The following ZNF226 variants were observed in gnomAD, a reference collection of about 807,000 sequenced individuals.
The protein encoded by ZNF226 is Kruppel-associated box protein.
Under a neutral mutation model 11.4 loss-of-function variants are expected in ZNF226, and 6 were observed. The ratio of observed to expected loss-of-function variants is 0.53; its 90% CI spans 0.29 to 1.04. The LOEUF is 1.04. ZNF226 is among the 50% of genes least tolerant of loss of function. The probability of loss-of-function intolerance (pLI) is 0.08; values close to 1 mark genes in which losing one functional copy is unlikely to be tolerated. For synonymous variants in ZNF226, 350 were observed against 322.8 expected (o/e 1.08, Z -0.90); for missense variants, 1,058 against 956.5 (o/e 1.11, Z -1.40).
Position 44,177,156 on chromosome 19 carries a change from G to A in ZNF226, c.1894G>A (p.Ala632Thr). ...CTTCAGGCAGGCCTCAAATCTTTTG[G>A]CCCATCAGAGAGTCCACAGTGGAGA... ...KVFRQASNLLAHQRVHSGEKP... is the reference protein window; with the variant it reads ...KVFRQASNLLTHQRVHSGEKP... The change falls in exon 6 of 6, where the codon GCC (alanine) becomes ACC (threonine). Residue 632 changes from alanine (A) to threonine (T), a missense_variant. Physicochemically the swap from Ala to Thr is moderately conservative, Grantham distance 58. Transcript: ENST00000337433. 6.2e-7 allele frequency: 1 copy of A among 1,611,244 alleles called. No homozygotes were observed. The highest frequency in any genetic ancestry group is 1.4e-5 in the African/African-American group (1 of 74,068).
At chr19:44,182,258 G>A (rs947380519), downstream of ZNF226, among the ~76,000 whole-genome samples, 7 of 152,202 alleles carry the variant, frequency 4.6e-5, no homozygotes, top group African/African-American at 1.7e-4. Context: ...GGATAGCTCT[G>A]TTAGGGGATG....
intron 4 of ZNF226, chr19:44,172,636 A>G (rs563983983): frequency 2.1e-5 from 11 of 529,286 alleles, no homozygotes; most frequent in Middle Eastern, 4.9e-4. Flanking sequence ...GAAAACAGAC[A>G]TTAGTTAAAA....
intron 1 of ZNF226, chr19:44,165,496 C>T (rs1412378316): frequency 5.3e-5 from 8 of 152,240 alleles, no homozygotes; most frequent in East Asian, 1.9e-4. Context: ...GCAAAAACTT[C>T]CTAATAGAAT....
Position 44,173,047 on chromosome 19 carries a change from C to G in ZNF226, c.235+95C>G, listed in dbSNP as rs1970288919. On this transcript the variant is annotated intron_variant, in intron 5 of 5. Transcript: ENST00000337433. ...GCCATCACCTGGTCCAAATTGCCAA[C>G]TGTCTTTCCTGGATTATTGCAACAC... The G allele has an allele frequency of 4.4e-6, 5 of 1,138,764 alleles. No individual in the cohort carries two copies. The Admixed American group carries it at 1.0e-4, about 24-fold the overall frequency. The allele number at this position is 1,138,764 out of a possible 1,614,324, so 70.5% of individuals were successfully genotyped here. A position where few individuals can be genotyped will look rare whatever the true frequency, so the allele number is the denominator to read the frequency against.
In ZNF226 at chr19:44,177,167, A is replaced by G. The variant is rs1970768719; in HGVS notation, c.1905A>G (p.Arg635=). ...CCTCAAATCTTTTGGCCCATCAGAGAGTCCACAGTGGAGAAAAACCATTCA... is the reference window on the plus strand; with the variant it reads ...CCTCAAATCTTTTGGCCCATCAGAGGGTCCACAGTGGAGAAAAACCATTCA... ...RQASNLLAHQ[R]VHSGEKPFKC... is the part of the protein sequence containing the mutation. Residue 635 remains arginine, a synonymous_variant, in exon 6 of 6, where the codon AGA becomes AGG. Coordinates refer to ENST00000337433, the MANE Select transcript of ZNF226 (RefSeq NM_001032373.2). 1 of 1,613,344 alleles carries G rather than the reference A, an allele frequency of 6.2e-7. No homozygotes were observed. The highest frequency in any genetic ancestry group is 8.5e-7 in the Non-Finnish European group (1 of 1,179,852).
chr19:44,175,423 C>G, intron 5 of ZNF226, 75 bp from the exon 6 acceptor site: 4 of 1,502,110 alleles, frequency 2.7e-6, no homozygotes, highest in Non-Finnish European at 3.5e-6. Context: ...AAGTCTTTTA[C>G]TCTGTCCTCA....
chr19:44,191,683 A>T, the ZNF226 span, among the ~76,000 whole-genome samples: 1 of 152,170 alleles, frequency 6.6e-6, no homozygotes, highest in Non-Finnish European at 1.5e-5. Context: ...AAACAGAATC[A>T]CAGATTATTG....
chr19:44,166,643 A>T (rs1037830628), intron 2 of ZNF226: 2 of 152,244 alleles, frequency 1.3e-5, no homozygotes, highest in Non-Finnish European at 2.9e-5. Flanking sequence ...GGGTATAAAG[A>T]TAACAACTAT....
chr19:44,189,055 A>G, the ZNF226 span, among the ~76,000 whole-genome samples: 1 of 152,176 alleles, frequency 6.6e-6, no homozygotes, highest in Non-Finnish European at 1.5e-5. Context: ...TTGAGCAACA[A>G]TGGAGGTTTG....
the ZNF226 span, among the ~76,000 whole-genome samples, chr19:44,187,276 A>T: frequency 1.3e-4 from 20 of 152,116 alleles, no homozygotes; most frequent in Non-Finnish European, 2.2e-4. The surrounding 1 kb of genome is among the most constrained non-coding windows in gnomAD (Gnocchi z 4.0). Flanking sequence ...GCTTTTGATG[A>T]CTACGTCCAA....
At position 44,177,449 on chromosome 19, in the gene ZNF226, T is replaced by G; in HGVS notation, c.2187T>G (p.Cys729Trp). ...ACACAGGAGAGAAACCATACAAATG[T>G]GATGTGTGTGGTAAAGTCTTCAGTC... ...SVHTGEKPYK[C>W]DVCGKVFSRS... The change falls in exon 6 of 6, where the codon TGT becomes TGG. Residue 729 changes from cysteine to tryptophan, a missense_variant. Coordinates refer to ENST00000337433, the MANE Select transcript of ZNF226 (RefSeq NM_001032373.2). 1.2e-6 allele frequency: 2 copies of G among 1,614,056 alleles called. No individual in the cohort carries two copies.
At chr19:44,181,341 C>T (rs1227652628), downstream of ZNF226, among the ~76,000 whole-genome samples, 1 of 152,166 alleles carries the variant, frequency 6.6e-6, no homozygotes, top group Non-Finnish European at 1.5e-5. Flanking sequence ...GTGGTCCCAA[C>T]ACTGAACTGC....
intron 4 of ZNF226, 123 bp downstream of exon 4, chr19:44,172,337 C>T: frequency 8.0e-7 from 1 of 1,250,016 alleles, no homozygotes; most frequent in South Asian, 1.5e-5. Context: ...TGCAGAGACA[C>T]TGGATGTTTC....
chr19:44,189,068 G>A, the ZNF226 span, among the ~76,000 whole-genome samples: 1 of 152,156 alleles, frequency 6.6e-6, no homozygotes, highest in African/African-American at 2.4e-5. Context: ...GAGGTTTGGA[G>A]GGAGTGGCTC....
At chr19:44,196,887 G>A in the ZNF226 span, among the ~76,000 whole-genome samples, 2 of 151,966 alleles carry the variant, frequency 1.3e-5, no homozygotes, top group South Asian at 4.1e-4. Context: ...AAATGTCCTT[G>A]TCCCTAAAAT....
At chr19:44,198,962 C>T in the ZNF226 span, among the ~76,000 whole-genome samples, 3 of 152,000 alleles carry the variant, frequency 2.0e-5, no homozygotes, top group African/African-American at 7.3e-5. Context: ...GCCACCACAC[C>T]CAGCTAATCT....
the ZNF226 span, among the ~76,000 whole-genome samples, chr19:44,196,973 CT>C: frequency 6.6e-6 from 1 of 152,296 alleles, no homozygotes; most frequent in Middle Eastern, 3.4e-3. Flanking sequence ...CACTACCCCT[CT>C]CTCTCAACTA....
At chr19:44,166,525 T>C (rs1333438704) in intron 2 of ZNF226, among the ~76,000 whole-genome samples, 1 of 152,186 alleles carries the variant, frequency 6.6e-6, no homozygotes, top group Non-Finnish European at 1.5e-5. Flanking sequence ...TTTTTAAAAA[T>C]AGTTTTCTCA....
downstream of ZNF226, among the ~76,000 whole-genome samples, chr19:44,181,066 T>C (rs1355604722): frequency 6.6e-6 from 1 of 152,198 alleles, no homozygotes; most frequent in Non-Finnish European, 1.5e-5. Flanking sequence ...TCCAGTTCTT[T>C]TGGCCTTTGT....
Sources: allele counts gnomAD v4.1 joint callset (sites outside exome capture counted in the v4.1 genomes callset), GRCh38; gene constraint gnomAD v4.1.1; non-coding constraint Gnocchi (gnomAD v3.1); transcripts MANE v1.5; gene names NCBI Gene and HGNC (gene_info 2026-07-23, HGNC 2026-07-21).